Variants in STK3 observed in about 807,000 individuals in gnomAD.
The protein encoded by STK3 is serine/threonine-protein kinase 3.
STK3 carries 41 observed loss-of-function variants against 58.0 expected under a neutral mutation model. The ratio of observed to expected loss-of-function variants is 0.71; its 90% CI spans 0.55 to 0.92. The LOEUF is 0.92. Ranked by LOEUF, STK3 falls within the 40% of genes least tolerant of loss-of-function variation. The probability of loss-of-function intolerance (pLI) is 0.00; values close to 1 mark genes in which losing one functional copy is unlikely to be tolerated. For missense variants in STK3, 479 were observed against 602.7 expected (o/e 0.79, Z 2.15); for synonymous variants, 170 against 191.0 (o/e 0.89, Z 0.91).
chr8:98,488,817 G>A (rs1159442673), intron 10 of STK3, among the ~76,000 whole-genome samples: 3 of 152,130 alleles, frequency 2.0e-5, no homozygotes, highest in African/African-American at 4.8e-5. Context: ...TAGAAATATC[G>A]TTTTAGCCAG....
At chr8:98,928,463 G>T (rs1165589501) in intron 1 of STK3, among the ~76,000 whole-genome samples, 1 of 152,210 alleles carries the variant, frequency 6.6e-6, no homozygotes, top group Non-Finnish European at 1.5e-5. Context: ...CCTTTAAAAG[G>T]TTGGGGGATT....
intron 3 of STK3, among the ~76,000 whole-genome samples, chr8:98,419,232 G>C (rs567663576): frequency 1.6e-4 from 25 of 152,156 alleles, no homozygotes; most frequent in Non-Finnish European, 3.2e-4. Context: ...GTGGTGGTGG[G>C]CACATATAAT....
At chr8:98,479,676 A>G (rs1283686258) in intron 10 of STK3, among the ~76,000 whole-genome samples, 1 of 152,188 alleles carries the variant, frequency 6.6e-6, no homozygotes, top group African/African-American at 2.4e-5. Flanking sequence ...GAAAACATTT[A>G]CAATGTCTGG....
At chr8:98,708,556 G>A (rs993760379) in intron 4 of STK3, among the ~76,000 whole-genome samples, 9 of 152,120 alleles carry the variant, frequency 5.9e-5, no homozygotes, top group South Asian at 2.1e-4. Flanking sequence ...AGAGAAGGCC[G>A]AGGAAGAGAC....
At chr8:98,652,238 A>G (rs1223891920) in intron 6 of STK3, among the ~76,000 whole-genome samples, 1 of 152,250 alleles carries the variant, frequency 6.6e-6, no homozygotes, top group Non-Finnish European at 1.5e-5. Context: ...ACTAAGCTTC[A>G]TAAGTGAAGG....
At chr8:98,617,413 A>C (rs12548462) in intron 6 of STK3, among the ~76,000 whole-genome samples, 33,683 of 132,426 alleles carry the variant, frequency 0.25, 4,806 homozygotes, top group East Asian at 0.46. Flanking sequence ...CTAGAAAAGC[A>C]AGAGCAAACA....
At chr8:98,815,482 G>C (rs1834486776) in intron 1 of STK3, among the ~76,000 whole-genome samples, 1 of 152,160 alleles carries the variant, frequency 6.6e-6, no homozygotes, top group South Asian at 2.1e-4. Flanking sequence ...TCTAGGACAA[G>C]AAGTATACAA....
At chr8:98,479,918 A>T (rs1341943667) in intron 10 of STK3, among the ~76,000 whole-genome samples, 2 of 152,230 alleles carry the variant, frequency 1.3e-5, no homozygotes. Context: ...AAAAACAAAT[A>T]GGAGCTTTAA....
upstream of STK3, among the ~76,000 whole-genome samples, chr8:98,828,036 G>A (rs534305486): frequency 2.5e-4 from 37 of 148,912 alleles, no homozygotes; most frequent in South Asian, 4.2e-4. Flanking sequence ...GTGCAATGCC[G>A]TGATCTCAGG....
At chr8:98,883,705 C>T (rs1263691379), downstream of STK3, 1 of 702,876 alleles carries the variant, frequency 1.4e-6, no homozygotes, top group Non-Finnish European at 2.6e-6. Context: ...AAGACAGAGG[C>T]TGCTCCGTTC....
chr8:98,741,076 A>T (rs894640304), intron 4 of STK3, among the ~76,000 whole-genome samples: 4 of 152,222 alleles, frequency 2.6e-5, no homozygotes, highest in African/African-American at 9.6e-5. Context: ...CCAATACAGG[A>T]GCACCCAGAT....
intron 10 of STK3, among the ~76,000 whole-genome samples, chr8:98,488,735 A>G (rs990536919): frequency 6.6e-6 from 1 of 152,214 alleles, no homozygotes; most frequent in Non-Finnish European, 1.5e-5. Context: ...CAGCAAAACT[A>G]AGATGAAAAT....
At chr8:98,560,125 A>G (rs369122270) in intron 8 of STK3, among the ~76,000 whole-genome samples, 8 of 152,250 alleles carry the variant, frequency 5.3e-5, no homozygotes, top group East Asian at 1.9e-4. Flanking sequence ...TTCCATATCC[A>G]TATTTATAAA....
intron 2 of STK3, among the ~76,000 whole-genome samples, chr8:98,773,424 GTTTT>G (rs1030583313): frequency 1.3e-5 from 2 of 151,888 alleles, no homozygotes; most frequent in East Asian, 1.9e-4. Context: ...ATTACTTTCT[GTTTT>G]TTTATTTGTA....
At chr8:98,474,503 T>C (rs909369922) in intron 10 of STK3, among the ~76,000 whole-genome samples, 2 of 152,192 alleles carry the variant, frequency 1.3e-5, no homozygotes, top group African/African-American at 2.4e-5. Context: ...GCTCTTTGCA[T>C]GTGAATTGGG....
intron 1 of STK3, among the ~76,000 whole-genome samples, chr8:98,788,118 A>AATG (rs1457918530): frequency 6.6e-6 from 1 of 152,154 alleles, no homozygotes; most frequent in African/African-American, 2.4e-5. Flanking sequence ...ACCAACGTTG[A>AATG]ATGTAAATAG....
At chr8:98,363,426 G>A in the STK3 span, among the ~76,000 whole-genome samples, 5 of 152,120 alleles carry the variant, frequency 3.3e-5, no homozygotes, top group East Asian at 5.8e-4. Flanking sequence ...AGGAAGAAGG[G>A]GCCCGGGTTC....
At chr8:98,666,362 G>C (rs996990262) in intron 6 of STK3, among the ~76,000 whole-genome samples, 3 of 152,070 alleles carry the variant, frequency 2.0e-5, no homozygotes, top group Non-Finnish European at 4.4e-5. Flanking sequence ...GTAAGAAAAA[G>C]TAACCTTATA....
intron 6 of STK3, among the ~76,000 whole-genome samples, chr8:98,703,901 C>T (rs1825788229): frequency 6.6e-6 from 1 of 152,136 alleles, no homozygotes; most frequent in South Asian, 2.1e-4. Context: ...TCACTATACC[C>T]CCCACAAAAC....
Sources: allele counts gnomAD v4.1 joint callset (sites outside exome capture counted in the v4.1 genomes callset), GRCh38; gene constraint gnomAD v4.1.1; transcripts MANE v1.5; gene names NCBI Gene and HGNC (gene_info 2026-07-23, HGNC 2026-07-21).